The following CLEC2A variants were observed in gnomAD, a reference collection of about 807,000 sequenced individuals.
CLEC2A encodes C-type lectin domain family 2 member A.
A neutral mutation model predicts 18.6 loss-of-function variants in CLEC2A; 19 were observed. That is an observed-to-expected ratio of 1.02 (90% CI 0.71 to 1.50). CLEC2A has a LOEUF of 1.50. Ranked by LOEUF, CLEC2A falls within the 40% of genes most tolerant of loss-of-function variation. The probability of loss-of-function intolerance (pLI) is 0.00; values close to 1 mark genes in which losing one functional copy is unlikely to be tolerated. For synonymous variants in CLEC2A, 74 were observed against 64.0 expected (o/e 1.16, Z -0.75); for missense variants, 190 against 207.9 (o/e 0.91, Z 0.53).
chr12:9,900,848 T>C (rs1862816659), intron 4 of CLEC2A, among the ~76,000 whole-genome samples: 1 of 152,180 alleles, frequency 6.6e-6, no homozygotes. Flanking sequence ...AAAGTGTTGG[T>C]AAAATAAACA....
chr12:9,927,672 C>T (rs1863298102), intron 1 of CLEC2A, among the ~76,000 whole-genome samples: 1 of 152,122 alleles, frequency 6.6e-6, no homozygotes, highest in Admixed American at 6.5e-5. Context: ...TTTTCATGAT[C>T]ACCAGACTAC....
chr12:9,908,778 G>A (rs907193354), downstream of CLEC2A, among the ~76,000 whole-genome samples: 14 of 152,116 alleles, frequency 9.2e-5, no homozygotes, highest in Non-Finnish European at 1.3e-4. Context: ...GCCCCCCTGT[G>A]TTCTTTATAG....
downstream of CLEC2A, among the ~76,000 whole-genome samples, chr12:9,894,126 T>TTCTCTCTCTCTCTC (rs141327204): frequency 2.8e-3 from 362 of 130,276 alleles, 2 homozygotes; most frequent in African/African-American, 8.4e-3. Context: ...TTTCTTTTCT[T>TTCTCTCTCTCTCTC]TCTCTCTCTC....
In CLEC2A at chr12:9,926,318, C is replaced by A. The variant is rs1230105912; in HGVS notation, c.81G>T (p.Lys27Asn). Residue 27 changes from lysine to asparagine, a missense_variant, in exon 2 of 5, where the codon AAG becomes AAT. Transcript: ENST00000455827. ...TACTCAGGAAGCACATAAGGCCAAT[C>A]TTCCAGTTTTGTATCAACTTGGGAA... is the stretch of plus-strand genomic sequence containing the variant. ...RIVPKLIQNW[K>N]IGLMCFLSII... 1.3e-6 allele frequency: 2 copies of A among 1,549,688 alleles called. No homozygotes were observed. The highest frequency in any genetic ancestry group is 2.0e-5 in the Admixed American group (1 of 50,968).
At chr12:9,888,566 G>A in the CLEC2A span, among the ~76,000 whole-genome samples, 4 of 152,098 alleles carry the variant, frequency 2.6e-5, no homozygotes, top group East Asian at 1.9e-4. Flanking sequence ...CAGATATGGC[G>A]AAACGTAGTT....
At chr12:9,928,981 A>T (rs1305603682) in intron 1 of CLEC2A, among the ~76,000 whole-genome samples, 2 of 152,098 alleles carry the variant, frequency 1.3e-5, no homozygotes, top group African/African-American at 4.8e-5. Context: ...CTGTTCTGGC[A>T]TGTGATATTT....
downstream of CLEC2A, among the ~76,000 whole-genome samples, chr12:9,911,978 C>T (rs1862993486): frequency 6.6e-6 from 1 of 152,112 alleles, no homozygotes; most frequent in Non-Finnish European, 1.5e-5. Context: ...ACCAGATTGG[C>T]TATAGCCCAA....
intron 4 of CLEC2A, 151 bp downstream of exon 4, chr12:9,916,549 T>C: frequency 1.8e-6 from 1 of 564,856 alleles, no homozygotes; most frequent in South Asian, 2.7e-5. Flanking sequence ...TGCTTCAATG[T>C]GAAAGGGCAT....
Position 9,915,366 on chromosome 12 carries a change from G to A in CLEC2A, c.410+1334C>T, listed in dbSNP as rs550159475. 1.8e-3 allele frequency among the ~76,000 whole-genome samples: 268 copies of A among 152,016 alleles called. 2 individuals carry two copies. The highest frequency in any genetic ancestry group is 6.1e-3 in the African/African-American group (252 of 41,478). ...CCCATTACTGGATATATACCCAAAG[G>A]AATATAAGTAATTCTATTATAAAGA... is the stretch of plus-strand genomic sequence containing the variant. On this transcript the variant is annotated intron_variant, in intron 4 of 4. Coordinates refer to ENST00000455827, the MANE Select transcript of CLEC2A (RefSeq NM_001130711.2).
the CLEC2A span, chr12:9,884,878 C>A: frequency 7.3e-6 from 4 of 549,898 alleles, no homozygotes; most frequent in South Asian, 3.4e-5. Flanking sequence ...AAAAATGAAA[C>A]AGAAAAATAT....
At chr12:9,929,751 A>C (rs1396061662) in intron 1 of CLEC2A, among the ~76,000 whole-genome samples, 1 of 152,180 alleles carries the variant, frequency 6.6e-6, no homozygotes, top group Non-Finnish European at 1.5e-5. Context: ...CAAAAAGTCT[A>C]TTAAATCGGG....
At chr12:9,913,103 A>G (rs1001128341), downstream of CLEC2A, 1 of 163,692 alleles carries the variant, frequency 6.1e-6, no homozygotes, top group African/African-American at 2.4e-5. Flanking sequence ...TACTTGGGAG[A>G]TTGCATTTTT....
intron 3 of CLEC2A, among the ~76,000 whole-genome samples, chr12:9,920,273 C>T (rs79705901): frequency 0.015 from 2,305 of 152,248 alleles, 50 homozygotes; most frequent in African/African-American, 0.052. Flanking sequence ...GTTTCAACTA[C>T]TTTTGCTGGG....
rs113302786 is a variant in CLEC2A, at chr12:9,913,477, G to A, written c.*89C>T. The A allele has an allele frequency of 2.6e-4, 376 of 1,471,018 alleles. No individual in the cohort carries two copies. In the African/African-American group the frequency reaches 5.0e-3, roughly 20 times the overall value. 91.1% of individuals were successfully genotyped at this position (1,471,018 alleles called of 1,614,324 possible). ...GCCCTCACCAGAGGTTCCGTATTCT[G>A]TAACAGAATAAGTGAGAAAGCCACT... On this transcript the variant is annotated 3_prime_UTR_variant, in exon 5 of 5. Transcript: ENST00000455827.
At position 9,916,792 on chromosome 12, in the gene CLEC2A, C is replaced by T; in HGVS notation, c.318G>A (p.Lys106=). Residue 106 remains lysine (K), a synonymous_variant, in exon 4 of 5, where the codon AAG becomes AAA. Coordinates refer to ENST00000455827, the MANE Select transcript of CLEC2A (RefSeq NM_001130711.2). The stretch of plus-strand genomic sequence containing the variant: ...AGTGCATATCAGTTCCTGCGTACCT[C>T]TTCAAAAATTCCTTTCACAAAACAA... ...IDTQEDMEFL[K]RYAGTDMHWI... is the part of the protein sequence containing the mutation. 2 of 1,549,996 alleles carry T rather than the reference C, an allele frequency of 1.3e-6. No homozygotes were observed. The highest frequency in any genetic ancestry group is 1.7e-6 in the Non-Finnish European group (2 of 1,145,478).
In CLEC2A at chr12:9,916,712, G is replaced by A. The variant is rs1339873666; in HGVS notation, c.398C>T (p.Thr133Ile). Residue 133 changes from threonine to isoleucine, a missense_variant, in exon 4 of 5, where the codon ACA becomes ATA. Thr to Ile is a moderately conservative substitution (Grantham distance 89, BLOSUM62 -1). Coordinates refer to ENST00000455827, the MANE Select transcript of CLEC2A (RefSeq NM_001130711.2). Reference protein sequence around the residue: ...GDSWKWTNGTTFNGWFEIIGN... With the variant: ...GDSWKWTNGTIFNGWFEIIGN... The stretch of plus-strand genomic sequence containing the variant: ...ATTGGAAACTCACCAACCATTGAAT[G>A]TGGTGCCATTTGTCCATTTCCAAGA... 1.3e-5 allele frequency: 20 copies of A among 1,542,664 alleles called. No homozygotes were observed. In the East Asian group the frequency reaches 4.6e-4, roughly 36 times the overall value.
At chr12:9,878,440 G>A in the CLEC2A span, among the ~76,000 whole-genome samples, 1 of 152,146 alleles carries the variant, frequency 6.6e-6, no homozygotes, top group African/African-American at 2.4e-5. Context: ...GAGCCAAGAT[G>A]ATGGCTTTTA....
chr12:9,919,909 G>A (rs999580582), intron 3 of CLEC2A, among the ~76,000 whole-genome samples: 3 of 152,196 alleles, frequency 2.0e-5, no homozygotes, highest in Non-Finnish European at 4.4e-5. Flanking sequence ...TGCCCAGTGA[G>A]GAGGAATGGG....
chr12:9,927,475 G>T (rs1269113156), intron 1 of CLEC2A, among the ~76,000 whole-genome samples: 2 of 151,384 alleles, frequency 1.3e-5, no homozygotes, highest in Non-Finnish European at 3.0e-5. Context: ...TTATATATAT[G>T]TATGCATGCC....
Sources: allele counts gnomAD v4.1 joint callset (sites outside exome capture counted in the v4.1 genomes callset), GRCh38; gene constraint gnomAD v4.1.1; transcripts MANE v1.5; gene names NCBI Gene and HGNC (gene_info 2026-07-23, HGNC 2026-07-21).